Variants in FAM174B observed in about 807,000 individuals in gnomAD.
FAM174B encodes the protein membrane protein FAM174B.
Under a neutral mutation model 10.9 loss-of-function variants are expected in FAM174B, and 12 were observed. That is an observed-to-expected ratio of 1.10 (90% CI 0.71 to 1.79). The LOEUF is 1.79. FAM174B is among the 40% of genes most tolerant of loss of function. The pLI is 0.00. For synonymous variants in FAM174B, 132 were observed against 115.8 expected (o/e 1.14, Z -0.90); for missense variants, 266 against 233.3 (o/e 1.14, Z -0.91).
At chr15:92,619,782 G>A (rs1270266910) in intron 2 of FAM174B, 2 of 421,740 alleles carry the variant, frequency 4.7e-6, no homozygotes, top group Non-Finnish European at 8.5e-6. Flanking sequence ...CTTCTTCTGT[G>A]ACAGTCCAGA....
chr15:92,655,158 GC>G (rs1486483830), intron 1 of FAM174B, 157 bp downstream of exon 1: 8 of 1,054,940 alleles, frequency 7.6e-6, no homozygotes, highest in Admixed American at 4.0e-5. Context: ...GCACACCCCG[GC>G]CCCCCACCCA....
At chr15:92,629,121 G>A in intron 2 of FAM174B, among the ~76,000 whole-genome samples, 1 of 152,166 alleles carries the variant, frequency 6.6e-6, no homozygotes, top group East Asian at 1.9e-4. Context: ...GGTGTGGAAG[G>A]CTTGCCTTCC....
chr15:92,639,784 C>T (rs2050878617), intron 1 of FAM174B, among the ~76,000 whole-genome samples: 2 of 152,120 alleles, frequency 1.3e-5, no homozygotes, highest in African/African-American at 4.8e-5. Flanking sequence ...GCTCCTGCTC[C>T]CACCATGTGA....
intron 2 of FAM174B, among the ~76,000 whole-genome samples, chr15:92,620,688 G>A (rs941547138): frequency 2.8e-4 from 43 of 151,712 alleles, no homozygotes; most frequent in Non-Finnish European, 4.3e-4. Flanking sequence ...GGTGCTGCAC[G>A]TCTGTAATCC....
chr15:92,633,448 C>T (rs181939125), intron 1 of FAM174B, among the ~76,000 whole-genome samples: 20 of 152,194 alleles, frequency 1.3e-4, no homozygotes, highest in Admixed American at 5.9e-4. Context: ...TCCTTGGGTA[C>T]GGAAAAGGAG....
chr15:92,630,118 T>TA, intron 2 of FAM174B, 96 bp downstream of exon 2: 5 of 1,350,502 alleles, frequency 3.7e-6, no homozygotes, highest in Non-Finnish European at 5.2e-6. Flanking sequence ...AACACTTCAC[T>TA]AAAAAACAAG....
At chr15:92,648,255 C>T (rs1235598244) in intron 1 of FAM174B, among the ~76,000 whole-genome samples, 1 of 152,150 alleles carries the variant, frequency 6.6e-6, no homozygotes, top group Admixed American at 6.5e-5. Context: ...TATGGTCACT[C>T]ATATTGGCTC....
At chr15:92,625,268 G>C (rs980879194) in intron 2 of FAM174B, among the ~76,000 whole-genome samples, 1 of 152,026 alleles carries the variant, frequency 6.6e-6, no homozygotes, top group East Asian at 1.9e-4. Context: ...AAGCCTGTCT[G>C]ATAGGCACAG....
At chr15:92,645,930 T>C (rs1016254282) in intron 1 of FAM174B, among the ~76,000 whole-genome samples, 1 of 152,198 alleles carries the variant, frequency 6.6e-6, no homozygotes, top group Non-Finnish European at 1.5e-5. Flanking sequence ...CCCAGCTGCA[T>C]GGCTGGAGTT....
chr15:92,622,954 G>A (rs943544535), intron 2 of FAM174B, among the ~76,000 whole-genome samples: 3 of 152,066 alleles, frequency 2.0e-5, no homozygotes, highest in Admixed American at 6.5e-5. Context: ...TCAGGAGTTC[G>A]AGACCAGCCT....
intron 1 of FAM174B, among the ~76,000 whole-genome samples, chr15:92,636,620 G>A (rs1006822267): frequency 8.1e-5 from 12 of 147,352 alleles, no homozygotes; most frequent in African/African-American, 1.5e-4. Context: ...GAAATGTGCC[G>A]CGGAGATAGG....
chr15:92,639,868 C>T (rs752960233), intron 1 of FAM174B, among the ~76,000 whole-genome samples: 13 of 152,150 alleles, frequency 8.5e-5, no homozygotes, highest in Non-Finnish European at 1.2e-4. Context: ...AGCTGCTATG[C>T]TTCCTGTACA....
At chr15:92,647,454 C>A (rs2050935811) in intron 1 of FAM174B, among the ~76,000 whole-genome samples, 1 of 152,164 alleles carries the variant, frequency 6.6e-6, no homozygotes, top group Admixed American at 6.5e-5. Context: ...TCTAAGCCCC[C>A]CAGCCAGTTG....
intron 1 of FAM174B, among the ~76,000 whole-genome samples, chr15:92,637,236 C>T (rs1205353197): frequency 6.6e-6 from 1 of 152,262 alleles, no homozygotes; most frequent in Non-Finnish European, 1.5e-5. Context: ...AAGGCTGGAA[C>T]AGGGCAGGTG....
chr15:92,654,645 A>G (rs1198416230), intron 1 of FAM174B, among the ~76,000 whole-genome samples: 2 of 152,012 alleles, frequency 1.3e-5, no homozygotes, highest in Non-Finnish European at 2.9e-5. Context: ...TGTGTCCCCC[A>G]CCAACAGAAA....
rs541605842 is a variant in FAM174B at position 92,632,684 on chromosome 15, T to G, written c.345-2339A>C. Among the ~76,000 whole-genome samples the G allele has an allele frequency of 4.1e-3, 618 of 151,806 alleles. 4 individuals are homozygous for G. Among genetic ancestry groups the G allele is most frequent in the African/African-American group, 0.014 (592 of 41,418 alleles). ...ACCACCACAACCTGGCTGGGTTGTT[T>G]TTTTTTTTTCTATCTGTAGTAGAGA... On this transcript the variant is annotated intron_variant, in intron 1 of 2. Transcript: ENST00000327355.
chr15:92,654,161 AG>A (rs2050985481), intron 1 of FAM174B, among the ~76,000 whole-genome samples: 1 of 152,222 alleles, frequency 6.6e-6, no homozygotes, highest in Non-Finnish European at 1.5e-5. Flanking sequence ...CTGGACTCAA[AG>A]TCACACACAA....
At position 92,655,559 on chromosome 15, in the gene FAM174B, G is replaced by A. The variant is rs535415700; in HGVS notation, c.101C>T (p.Ala34Val). Reference sequence around the variant, plus strand: ...CTCGCGCTCGGGTTCGGGCCACGGCGCGGAGACGGACTCGGCTCTGCTGGC... The same window carrying A: ...CTCGCGCTCGGGTTCGGGCCACGGCACGGAGACGGACTCGGCTCTGCTGGC... ...ARASRAESVSAPWPEPERESR... is the reference protein window; with the variant it reads ...ARASRAESVSVPWPEPERESR... Residue 34 changes from alanine to valine, a missense_variant, in exon 1 of 3, where the codon GCG becomes GTG. Ala to Val is a moderately conservative substitution (Grantham distance 64). Transcript: ENST00000327355. 7.2e-7 allele frequency: 1 copy of A among 1,388,978 alleles called. No individual in the cohort carries two copies. The allele number at this position is 1,388,978 out of a possible 1,614,324, so 86.0% of individuals were successfully genotyped here.
Position 92,655,728 on chromosome 15 carries a change from GA to G in FAM174B, c.-70del, listed in dbSNP as rs2051001583. The G allele has an allele frequency of 1.7e-6, 2 of 1,184,638 alleles. No homozygotes were observed. The highest frequency in any genetic ancestry group is 2.1e-6 in the Non-Finnish European group (2 of 951,296). 73.4% of individuals were successfully genotyped at this position (1,184,638 alleles called of 1,614,324 possible). ...GAGCTCCAGGATCCGCACCAGCACG[GA>G]GGCCTGCACCGGGGGATCCTGCGGC... is the stretch of plus-strand genomic sequence containing the variant. On this transcript the variant is annotated 5_prime_UTR_variant, in exon 1 of 3. Transcript: ENST00000327355.
Sources: gnomAD v4.1 joint callset for allele counts (sites outside exome capture counted in the v4.1 genomes callset) on GRCh38, gnomAD v4.1.1 for gene constraint, MANE v1.5 for transcripts, NCBI Gene and HGNC (gene_info 2026-07-23, HGNC 2026-07-21) for gene names.